RPS6KC1: variants seen among roughly 807,000 people sequenced by gnomAD.
RPS6KC1 encodes the protein ribosomal protein S6 kinase C1, also known as inactive ribosomal protein S6 kinase delta-1.
Under a neutral mutation model 103.8 loss-of-function variants are expected in RPS6KC1, and 54 were observed. That is an observed-to-expected ratio of 0.52 (90% CI 0.42 to 0.65). The LOEUF is 0.65. RPS6KC1 is among the 30% of genes least tolerant of loss of function. The pLI, the probability that RPS6KC1 is intolerant of heterozygous loss-of-function variation, is 0.00. For missense variants in RPS6KC1, 1,151 were observed against 1,253.8 expected, an observed-to-expected ratio of 0.92 and a Z score of 1.24; for synonymous variants, 439 against 438.7, an observed-to-expected ratio of 1.00 and a Z score of -0.01.
the RPS6KC1 span, among the ~76,000 whole-genome samples, chr1:213,660,925 A>G: frequency 6.6e-6 from 1 of 152,242 alleles, no homozygotes; most frequent in South Asian, 2.1e-4. Context: ...GCTAGATTTC[A>G]GAGATCATTT....
the RPS6KC1 span, among the ~76,000 whole-genome samples, chr1:213,562,289 G>A: frequency 1.5e-4 from 21 of 143,552 alleles, no homozygotes; most frequent in Admixed American, 1.4e-3. Flanking sequence ...CCCAGCATAT[G>A]ATCAAGTTTT....
the RPS6KC1 span, among the ~76,000 whole-genome samples, chr1:213,528,290 C>T: frequency 3.9e-5 from 6 of 152,182 alleles, no homozygotes; most frequent in Middle Eastern, 6.8e-3. Context: ...CAAGAAGTGC[C>T]GAGCAAAGGG....
intron 2 of RPS6KC1, among the ~76,000 whole-genome samples, chr1:213,076,906 G>A (rs1490913266): frequency 6.9e-6 from 1 of 145,576 alleles, no homozygotes; most frequent in African/African-American, 2.6e-5. Flanking sequence ...GTCTTACTCT[G>A]TTGCTGAGGC....
the RPS6KC1 span, among the ~76,000 whole-genome samples, chr1:213,757,933 C>A: frequency 1.3e-5 from 2 of 152,156 alleles, no homozygotes; most frequent in African/African-American, 2.4e-5. Context: ...GCTACAGAGC[C>A]TGGATGACAG....
chr1:213,278,511 G>C (rs374783004), downstream of RPS6KC1, among the ~76,000 whole-genome samples: 4 of 152,082 alleles, frequency 2.6e-5, no homozygotes, highest in African/African-American at 9.7e-5. Flanking sequence ...ATATTTGAAG[G>C]GTCTGTCTTT....
intron 9 of RPS6KC1, 73 bp downstream of exon 9, chr1:213,230,617 C>T: frequency 8.9e-7 from 1 of 1,126,928 alleles, no homozygotes; most frequent in Admixed American, 2.2e-5. Flanking sequence ...GGCAGGTCAC[C>T]TAAGGTCAGG....
At chr1:213,392,543 T>C in the RPS6KC1 span, among the ~76,000 whole-genome samples, 1 of 152,244 alleles carries the variant, frequency 6.6e-6, no homozygotes, top group African/African-American at 2.4e-5. Flanking sequence ...CATTATCTTG[T>C]CACACATGGA....
chr1:213,393,639 G>A, the RPS6KC1 span, among the ~76,000 whole-genome samples: 187 of 152,252 alleles, frequency 1.2e-3, no homozygotes, highest in Non-Finnish European at 2.4e-3. Flanking sequence ...TTGCTATTTG[G>A]TCCTTGAAAT....
At chr1:213,449,314 G>GA in the RPS6KC1 span, among the ~76,000 whole-genome samples, 1 of 152,164 alleles carries the variant, frequency 6.6e-6, no homozygotes, top group African/African-American at 2.4e-5. Flanking sequence ...CTGCCACAGC[G>GA]AAAGACCACA....
At chr1:213,542,440 G>A in the RPS6KC1 span, among the ~76,000 whole-genome samples, 3 of 152,178 alleles carry the variant, frequency 2.0e-5, no homozygotes, top group South Asian at 6.2e-4. Context: ...CCATTGCAGT[G>A]AGTGGTACAA....
At chr1:213,180,373 A>T (rs751658759) in intron 8 of RPS6KC1, among the ~76,000 whole-genome samples, 5 of 152,362 alleles carry the variant, frequency 3.3e-5, no homozygotes, top group Non-Finnish European at 7.3e-5. Context: ...TCCTCATAGG[A>T]TATAACTAGA....
intron 6 of RPS6KC1, among the ~76,000 whole-genome samples, chr1:213,151,603 A>G (rs2088930073): frequency 1.2e-5 from 1 of 84,496 alleles, no homozygotes; most frequent in Non-Finnish European, 2.4e-5. Flanking sequence ...CGGGGGGCTG[A>G]CCCCCCCACC....
the RPS6KC1 span, among the ~76,000 whole-genome samples, chr1:213,711,701 G>T: frequency 2.2e-4 from 34 of 152,090 alleles, no homozygotes; most frequent in Middle Eastern, 3.2e-3. Context: ...TTTTTGCATG[G>T]TCGTCCTTTT....
At chr1:213,159,276 G>C (rs758761735) in intron 6 of RPS6KC1, among the ~76,000 whole-genome samples, 2 of 152,134 alleles carry the variant, frequency 1.3e-5, no homozygotes, top group Non-Finnish European at 2.9e-5. Flanking sequence ...GGCTATTTTG[G>C]TGTCAAATTT....
At chr1:213,151,356 C>T (rs1181784393) in intron 6 of RPS6KC1, among the ~76,000 whole-genome samples, 3 of 133,718 alleles carry the variant, frequency 2.2e-5, no homozygotes, top group Non-Finnish European at 4.8e-5. Context: ...CTAACCCCCC[C>T]ACCTCCCTCC....
chr1:213,244,918 A>G (rs758938801), intron 12 of RPS6KC1, among the ~76,000 whole-genome samples: 10 of 152,210 alleles, frequency 6.6e-5, no homozygotes, highest in Non-Finnish European at 1.3e-4. Flanking sequence ...TGTGAGTTGC[A>G]AAAGTGTTCT....
chr1:213,669,773 G>A, the RPS6KC1 span, among the ~76,000 whole-genome samples: 5 of 152,172 alleles, frequency 3.3e-5, no homozygotes, highest in Admixed American at 6.5e-5. Flanking sequence ...GAAAGTTTGT[G>A]TAATTTGTTC....
At chr1:213,535,827 G>A in the RPS6KC1 span, among the ~76,000 whole-genome samples, 5 of 152,110 alleles carry the variant, frequency 3.3e-5, no homozygotes, top group Admixed American at 6.5e-5. Flanking sequence ...CCCCTCTTGT[G>A]TCGTTGGCTA....
chr1:213,507,608 T>A, the RPS6KC1 span, among the ~76,000 whole-genome samples: 3 of 150,786 alleles, frequency 2.0e-5, no homozygotes, highest in African/African-American at 7.3e-5. Context: ...TGTGGTCCCA[T>A]CCACCGCTCA....
Sources: gnomAD v4.1 joint callset for allele counts (sites outside exome capture counted in the v4.1 genomes callset) on GRCh38, gnomAD v4.1.1 for gene constraint, MANE v1.5 for transcripts, NCBI Gene and HGNC (gene_info 2026-07-23, HGNC 2026-07-21) for gene names.